DOK6: variants seen among roughly 807,000 people sequenced by gnomAD.
DOK6 encodes downstream of tyrosine kinase 6.
Under a neutral mutation model 44.0 loss-of-function variants are expected in DOK6, and 22 were observed. The observed-to-expected ratio is 0.50, with a 90% CI of 0.36 to 0.71. The LOEUF is 0.71. Among genes scored for constraint, DOK6 ranks in the 30% least tolerant of loss-of-function variants. DOK6 has a pLI of 0.00. For missense variants in DOK6, 340 were observed against 416.4 expected, an observed-to-expected ratio of 0.82 and a Z score of 1.60; for synonymous variants, 166 against 145.5, an observed-to-expected ratio of 1.14 and a Z score of -1.01.
chr18:69,655,810 G>T (rs1200387005), intron 3 of DOK6, among the ~76,000 whole-genome samples: 3 of 93,412 alleles, frequency 3.2e-5, no homozygotes, highest in Non-Finnish European at 6.9e-5. Flanking sequence ...AAAATATGAA[G>T]ATATAAAAAC....
intron 5 of DOK6, among the ~76,000 whole-genome samples, chr18:69,737,728 T>C (rs1039151474): frequency 6.6e-6 from 1 of 152,196 alleles, no homozygotes; most frequent in East Asian, 1.9e-4. Context: ...AAATCCCTCC[T>C]GTAAGCATGC....
chr18:69,468,793 T>C (rs1174535200), intron 1 of DOK6, among the ~76,000 whole-genome samples: 7 of 152,182 alleles, frequency 4.6e-5, no homozygotes, highest in Non-Finnish European at 1.0e-4. Flanking sequence ...TTATTGCGGC[T>C]GCATGCAAGA....
chr18:69,624,189 C>A (rs78687834), intron 3 of DOK6, among the ~76,000 whole-genome samples: 2,525 of 152,142 alleles, frequency 0.017, 33 homozygotes, highest in South Asian at 0.05. Flanking sequence ...TTTCCAAAAC[C>A]CATCCATAAA....
At chr18:69,759,923 G>A (rs530923920) in intron 7 of DOK6, among the ~76,000 whole-genome samples, 4 of 152,210 alleles carry the variant, frequency 2.6e-5, no homozygotes, top group South Asian at 2.1e-4. Flanking sequence ...TGTATTCAAC[G>A]GAAGTTACGT....
intron 1 of DOK6, among the ~76,000 whole-genome samples, chr18:69,489,577 C>T (rs1980678603): frequency 6.6e-6 from 1 of 152,104 alleles, no homozygotes; most frequent in South Asian, 2.1e-4. Context: ...TTATAGGTTA[C>T]CTCAGAAATT....
intron 3 of DOK6, chr18:69,661,052 A>G (rs1985512688): frequency 6.6e-6 from 1 of 152,238 alleles, no homozygotes; most frequent in Admixed American, 6.5e-5. Flanking sequence ...TAGAAGGGAC[A>G]TGTCAAAACT....
intron 3 of DOK6, among the ~76,000 whole-genome samples, chr18:69,633,839 T>C (rs1314940545): frequency 6.6e-6 from 1 of 152,070 alleles, no homozygotes; most frequent in Non-Finnish European, 1.5e-5. Context: ...ATTTCAACTC[T>C]AAACAAAAAA....
rs1435341068 is a variant in DOK6, at chr18:69,600,938, G to T, written c.289+1440G>T. Among the ~76,000 whole-genome samples the T allele has an allele frequency of 2.0e-5, 3 of 152,206 alleles. No homozygotes were observed. In the East Asian group the frequency reaches 5.8e-4, roughly 29 times the overall value. ...CTGCTTTCAATCTGACTACAATCTT[G>T]AATCCGATATTACAGTAGAAAGTCA... On this transcript the variant is annotated intron_variant, in intron 3 of 7. Coordinates refer to ENST00000382713, the MANE Select transcript of DOK6 (RefSeq NM_152721.6).
intron 4 of DOK6, among the ~76,000 whole-genome samples, chr18:69,679,365 GT>G (rs544043349): frequency 8.6e-5 from 13 of 152,040 alleles, no homozygotes; most frequent in Non-Finnish European, 1.9e-4. Flanking sequence ...AATGAAAAAA[GT>G]TTTTTTCTGC....
intron 1 of DOK6, among the ~76,000 whole-genome samples, chr18:69,541,783 G>A (rs1982275768): frequency 6.6e-6 from 1 of 151,484 alleles, no homozygotes; most frequent in Non-Finnish European, 1.5e-5. Flanking sequence ...GGAACCTGTA[G>A]GCATTACAAT....
intron 1 of DOK6, among the ~76,000 whole-genome samples, chr18:69,549,787 G>GC: frequency 6.6e-6 from 1 of 151,092 alleles, no homozygotes; most frequent in Non-Finnish European, 1.5e-5. Context: ...CTTATAGTCT[G>GC]TAGAGCTTAA....
At chr18:69,517,825 A>G (rs1455924232) in intron 1 of DOK6, among the ~76,000 whole-genome samples, 1 of 151,786 alleles carries the variant, frequency 6.6e-6, no homozygotes, top group African/African-American at 2.4e-5. Flanking sequence ...ATGGAATAGC[A>G]TTTATTATAT....
intron 1 of DOK6, among the ~76,000 whole-genome samples, chr18:69,516,842 A>ATTTTTT (rs34387851): frequency 7.1e-6 from 1 of 140,024 alleles, no homozygotes; most frequent in Non-Finnish European, 1.5e-5. Flanking sequence ...CGCACGGCTA[A>ATTTTTT]TTTTTTTTTT....
At chr18:69,564,399 A>G in intron 1 of DOK6, 88 bp from the exon 2 acceptor site, 2 of 1,074,468 alleles carry the variant, frequency 1.9e-6, no homozygotes, top group Non-Finnish European at 2.7e-6. Context: ...TCTGAAGTAC[A>G]CTTAAAAAAT....
chr18:69,659,404 C>A (rs542799956), intron 3 of DOK6, among the ~76,000 whole-genome samples: 1 of 152,292 alleles, frequency 6.6e-6, no homozygotes, highest in East Asian at 1.9e-4. Flanking sequence ...TGTGGTTTTG[C>A]AAAACTAAGA....
intron 3 of DOK6, among the ~76,000 whole-genome samples, chr18:69,676,675 T>G (rs1985929388): frequency 6.6e-6 from 1 of 152,222 alleles, no homozygotes; most frequent in South Asian, 2.1e-4. Flanking sequence ...TATTGGAGCT[T>G]GGCCTAAAAT....
At chr18:69,441,081 T>C (rs73466851) in intron 1 of DOK6, among the ~76,000 whole-genome samples, 1,675 of 152,240 alleles carry the variant, frequency 0.011, 39 homozygotes, top group African/African-American at 0.039. Flanking sequence ...ACCACTTAAT[T>C]TCCAGTAAAT....
chr18:69,744,539 G>A (rs1275023086), intron 6 of DOK6, among the ~76,000 whole-genome samples: 1 of 152,068 alleles, frequency 6.6e-6, no homozygotes, highest in East Asian at 1.9e-4. Flanking sequence ...TAATGAAAAT[G>A]TGAAAATGGA....
chr18:69,666,996 C>T (rs753228776), intron 3 of DOK6, among the ~76,000 whole-genome samples: 5 of 152,128 alleles, frequency 3.3e-5, no homozygotes, highest in Non-Finnish European at 5.9e-5. Context: ...AGAAGGACCC[C>T]CCCTCCCCGC....
Sources: allele counts gnomAD v4.1 joint callset (sites outside exome capture counted in the v4.1 genomes callset), GRCh38; gene constraint gnomAD v4.1.1; transcripts MANE v1.5; gene names NCBI Gene and HGNC (gene_info 2026-07-23, HGNC 2026-07-21).